The following MTCL3 variants were observed in gnomAD, a reference collection of about 807,000 sequenced individuals.
MTCL3 encodes the protein microtubule cross-linking factor 3.
the MTCL3 span, among the ~76,000 whole-genome samples, chr6:127,504,556 G>A: frequency 6.6e-6 from 1 of 152,304 alleles, no homozygotes; most frequent in South Asian, 2.1e-4. Context: ...CCATGGTAGA[G>A]GGGAGTGGTG....
the MTCL3 span, among the ~76,000 whole-genome samples, chr6:127,493,510 G>A: frequency 6.6e-6 from 1 of 152,130 alleles, no homozygotes; most frequent in Non-Finnish European, 1.5e-5. Context: ...GATGGTCATA[G>A]AGGCACATGT....
At chr6:127,516,814 T>C in the MTCL3 span, 4 of 895,858 alleles carry the variant, frequency 4.5e-6, no homozygotes, top group South Asian at 5.5e-5. Context: ...ACTTTAGGAA[T>C]AGGATGCAGG....
At chr6:127,477,933 G>A in the MTCL3 span, among the ~76,000 whole-genome samples, 1 of 152,078 alleles carries the variant, frequency 6.6e-6, no homozygotes, top group African/African-American at 2.4e-5. Context: ...CACTGCACAT[G>A]CTGCCTCTAG....
chr6:127,487,279 A>T, the MTCL3 span, among the ~76,000 whole-genome samples: 1 of 152,230 alleles, frequency 6.6e-6, no homozygotes, highest in African/African-American at 2.4e-5. Flanking sequence ...TTCTGAGCAT[A>T]TCCTTTATGG....
the MTCL3 span, among the ~76,000 whole-genome samples, chr6:127,481,790 G>C: frequency 6.6e-6 from 1 of 152,156 alleles, no homozygotes; most frequent in African/African-American, 2.4e-5. Flanking sequence ...GTAAAATGAG[G>C]CTGAAACCCA....
chr6:127,475,877 C>G, the MTCL3 span: 3 of 1,613,654 alleles, frequency 1.9e-6, no homozygotes, highest in Non-Finnish European at 2.5e-6. The surrounding 1 kb of genome is among the most constrained non-coding windows in gnomAD (Gnocchi z 7.3). Flanking sequence ...ATGACCTTGC[C>G]GCTGAGCTCG....
At chr6:127,516,032 C>G in the MTCL3 span, 2 of 1,571,840 alleles carry the variant, frequency 1.3e-6, no homozygotes, top group East Asian at 4.6e-5. Flanking sequence ...CCTCGCCAGC[C>G]CCTGGGCGGC....
At chr6:127,501,086 A>T in the MTCL3 span, among the ~76,000 whole-genome samples, 3 of 152,258 alleles carry the variant, frequency 2.0e-5, no homozygotes, top group African/African-American at 4.8e-5. Context: ...TGTTGGGATT[A>T]CAGGCATGAG....
the MTCL3 span, chr6:127,513,164 G>A: frequency 3.1e-6 from 3 of 953,344 alleles, no homozygotes; most frequent in Non-Finnish European, 4.6e-6. Flanking sequence ...TTTACCATGT[G>A]CCAGGCATTA....
the MTCL3 span, among the ~76,000 whole-genome samples, chr6:127,487,435 T>C: frequency 5.9e-5 from 9 of 152,244 alleles, no homozygotes; most frequent in Admixed American, 2.0e-4. Flanking sequence ...ACTGTGACTA[T>C]AGGGTAACAC....
chr6:127,518,703 A>G, the MTCL3 span: 1 of 152,130 alleles, frequency 6.6e-6, no homozygotes, highest in Non-Finnish European at 1.5e-5. Context: ...ACTTCATATT[A>G]TTGTATGCGA....
At chr6:127,514,811 C>T in the MTCL3 span, 91 of 1,604,552 alleles carry the variant, frequency 5.7e-5, no homozygotes, top group Non-Finnish European at 6.6e-5. Flanking sequence ...ATTGAGCCCC[C>T]GCGCCGCAGA....
chr6:127,503,185 G>A, the MTCL3 span, among the ~76,000 whole-genome samples: 24 of 152,310 alleles, frequency 1.6e-4, no homozygotes, highest in Admixed American at 3.9e-4. Context: ...GTGAGGCCAC[G>A]CAGCACTGAT....
the MTCL3 span, chr6:127,512,781 A>T: frequency 6.9e-5 from 69 of 1,006,618 alleles, no homozygotes; most frequent in Non-Finnish European, 9.2e-5. Context: ...AAGAGTAAAA[A>T]ATTGTCCTGC....
At chr6:127,478,548 T>G in the MTCL3 span, among the ~76,000 whole-genome samples, 1 of 152,048 alleles carries the variant, frequency 6.6e-6, no homozygotes, top group South Asian at 2.1e-4. Context: ...GGATACAGGG[T>G]GGAAACATCC....
chr6:127,494,145 C>A, the MTCL3 span, among the ~76,000 whole-genome samples: 1 of 152,264 alleles, frequency 6.6e-6, no homozygotes, highest in African/African-American at 2.4e-5. Flanking sequence ...CATATCTGCC[C>A]TTTTCCTAGT....
chr6:127,516,453 G>T, the MTCL3 span: 74 of 1,599,764 alleles, frequency 4.6e-5, no homozygotes, highest in African/African-American at 8.0e-5. Context: ...GGGTGGCCGC[G>T]ATTGTCTGTC....
At chr6:127,515,262 G>A in the MTCL3 span, among the ~76,000 whole-genome samples, 1 of 152,096 alleles carries the variant, frequency 6.6e-6, no homozygotes, top group Admixed American at 6.5e-5. This position sits in a 1 kb window ranked among gnomAD's most constrained non-coding sequence, Gnocchi z 4.3. Context: ...CCTCTCTCCA[G>A]GAAGAAGTGT....
chr6:127,513,394 T>TA, the MTCL3 span, among the ~76,000 whole-genome samples: 904 of 152,336 alleles, frequency 5.9e-3, 5 homozygotes, highest in African/African-American at 0.021. Context: ...TACTCTGTGG[T>TA]AAAAAATGTT....
Sources: allele counts gnomAD v4.1 joint callset (sites outside exome capture counted in the v4.1 genomes callset), GRCh38; gene constraint gnomAD v4.1.1; non-coding constraint Gnocchi (gnomAD v3.1); transcripts MANE v1.5; gene names NCBI Gene and HGNC (gene_info 2026-07-23, HGNC 2026-07-21).